CDH22: variants seen among roughly 807,000 people sequenced by gnomAD.
The protein encoded by CDH22 is cadherin-22.
In CDH22, 30 loss-of-function variants were observed where a neutral mutation model predicts 58.4. The observed-to-expected ratio is 0.51, with a 90% confidence interval of 0.38 to 0.70. The LOEUF is 0.70. CDH22 is among the 30% of genes least tolerant of loss of function. CDH22 has a pLI of 0.00. For synonymous variants in CDH22, 513 were observed against 558.2 expected, an observed-to-expected ratio of 0.92 and a Z score of 1.14; for missense variants, 1,014 against 1,233.9, an observed-to-expected ratio of 0.82 and a Z score of 2.67.
chr20:46,278,724 C>A (rs1480758091), intron 1 of CDH22, among the ~76,000 whole-genome samples: 1 of 152,126 alleles, frequency 6.6e-6, no homozygotes, highest in Non-Finnish European at 1.5e-5. Flanking sequence ...ACTAGGACTA[C>A]AAGTGCGTGC....
chr20:46,270,648 C>T (rs1310841784), intron 1 of CDH22, among the ~76,000 whole-genome samples: 3 of 152,110 alleles, frequency 2.0e-5, no homozygotes, highest in East Asian at 1.9e-4. Context: ...AAATGGAGTT[C>T]CCATACAGGG....
At chr20:46,275,729 G>T (rs1374223688) in intron 1 of CDH22, among the ~76,000 whole-genome samples, 1 of 151,904 alleles carries the variant, frequency 6.6e-6, no homozygotes, top group South Asian at 2.1e-4. Flanking sequence ...CTTCAGAAGC[G>T]CATTGAATGA....
intron 1 of CDH22, among the ~76,000 whole-genome samples, chr20:46,287,776 C>A (rs561421226): frequency 6.6e-6 from 1 of 152,220 alleles, no homozygotes; most frequent in Non-Finnish European, 1.5e-5. Flanking sequence ...CTCACCCAGG[C>A]TACTGTGGGT....
At chr20:46,270,071 A>C (rs1360502465) in intron 1 of CDH22, among the ~76,000 whole-genome samples, 1 of 152,184 alleles carries the variant, frequency 6.6e-6, no homozygotes, top group East Asian at 1.9e-4. Flanking sequence ...TATAGAGCAA[A>C]GGGGAAAGGA....
intron 1 of CDH22, among the ~76,000 whole-genome samples, chr20:46,292,711 C>G (rs193266430): frequency 2.0e-4 from 31 of 152,292 alleles, no homozygotes; most frequent in African/African-American, 7.5e-4. Context: ...TCATTGTGAT[C>G]TAAACCGTGA....
chr20:46,288,520 T>C (rs913464134), intron 1 of CDH22, among the ~76,000 whole-genome samples: 1 of 152,126 alleles, frequency 6.6e-6, no homozygotes, highest in African/African-American at 2.4e-5. Flanking sequence ...ACCCAACACA[T>C]AGAGCCTCTT....
At chr20:46,284,752 C>T (rs911616115) in intron 1 of CDH22, among the ~76,000 whole-genome samples, 1 of 152,188 alleles carries the variant, frequency 6.6e-6, no homozygotes, top group Admixed American at 6.5e-5. Context: ...CACCAAAGCA[C>T]GCCATTTCTG....
At position 46,224,197 on chromosome 20, in the gene CDH22, T is replaced by A. The variant is rs58496426; in HGVS notation, c.670+3311A>T. Among the ~76,000 whole-genome samples, 409 of 152,332 alleles carry A rather than the reference T, an allele frequency of 2.7e-3. 13 individuals carry two copies. In the East Asian group the frequency reaches 0.063, roughly 24 times the overall value. On this transcript the variant is annotated intron_variant, in intron 4 of 11. Coordinates refer to ENST00000537909, the MANE Select transcript of CDH22 (RefSeq NM_021248.3). ...CCTTCCTCTGCATTAGGTTTCGTCCTCACACTCGTCACTGCTTGACGTTAT... is the reference window on the plus strand; with the variant it reads ...CCTTCCTCTGCATTAGGTTTCGTCCACACACTCGTCACTGCTTGACGTTAT...
intron 1 of CDH22, among the ~76,000 whole-genome samples, chr20:46,252,264 G>T (rs2086381855): frequency 2.6e-5 from 4 of 152,136 alleles, no homozygotes; most frequent in African/African-American, 9.7e-5. Flanking sequence ...CAGCTTCTAG[G>T]GATACAGCAC....
chr20:46,194,799 G>A (rs2085887332), intron 8 of CDH22, among the ~76,000 whole-genome samples: 1 of 151,932 alleles, frequency 6.6e-6, no homozygotes, highest in African/African-American at 2.4e-5. Flanking sequence ...GTGCAATCTC[G>A]GCCCACTGCA....
chr20:46,265,217 C>T (rs143424126), intron 1 of CDH22, among the ~76,000 whole-genome samples: 5 of 152,284 alleles, frequency 3.3e-5, no homozygotes, highest in African/African-American at 7.2e-5. Flanking sequence ...CAAACGCGTC[C>T]GGATGGGGGC....
At chr20:46,301,273 C>A (rs1356723380) in intron 1 of CDH22, among the ~76,000 whole-genome samples, 1 of 151,866 alleles carries the variant, frequency 6.6e-6, no homozygotes, top group African/African-American at 2.4e-5. Flanking sequence ...CATATGAGCC[C>A]CGTGCAGTGT....
At chr20:46,249,736 G>A (rs1214277868) in intron 2 of CDH22, among the ~76,000 whole-genome samples, 13 of 152,156 alleles carry the variant, frequency 8.5e-5, no homozygotes, top group Admixed American at 4.6e-4. Flanking sequence ...ATACTGTCCC[G>A]GGGCACCACC....
chr20:46,304,185 A>T (rs1361861736), intron 1 of CDH22, among the ~76,000 whole-genome samples: 1 of 152,148 alleles, frequency 6.6e-6, no homozygotes, highest in Non-Finnish European at 1.5e-5. Flanking sequence ...TCCTAACTCA[A>T]TTCCCCTCCT....
At chr20:46,233,230 C>T (rs980928067) in intron 3 of CDH22, among the ~76,000 whole-genome samples, 8 of 152,244 alleles carry the variant, frequency 5.3e-5, no homozygotes, top group Middle Eastern at 3.4e-3. Flanking sequence ...CTCCAGGGAA[C>T]GTGAAACACC....
chr20:46,292,867 T>G (rs550984913), intron 1 of CDH22, among the ~76,000 whole-genome samples: 1 of 152,112 alleles, frequency 6.6e-6, no homozygotes, highest in East Asian at 1.9e-4. Context: ...AGTTAATCAC[T>G]CCCTCTTTTG....
At chr20:46,291,496 A>T (rs1398255067) in intron 1 of CDH22, among the ~76,000 whole-genome samples, 2 of 152,200 alleles carry the variant, frequency 1.3e-5, no homozygotes, top group African/African-American at 4.8e-5. Flanking sequence ...AAGATCCCAT[A>T]GCCCTGAGCG....
intron 7 of CDH22, 42 bp from the exon 8 acceptor site, chr20:46,199,601 C>T (rs1470127952): frequency 1.3e-6 from 2 of 1,598,170 alleles, no homozygotes; most frequent in Non-Finnish European, 1.7e-6. Flanking sequence ...TGCCCCAGTG[C>T]CAAATGGAGC....
chr20:46,286,025 G>A lies in CDH22; in HGVS notation c.-400+22230C>T, dbSNP rs73295874. On this transcript the variant is annotated intron_variant, in intron 1 of 11. Coordinates refer to ENST00000537909, the MANE Select transcript of CDH22 (RefSeq NM_021248.3). ...ATGTCAAATACAATTGTAGATTCTC[G>A]ATAAACATTTAAGTGGATTGAATGC... Among the ~76,000 whole-genome samples the A allele has an allele frequency of 8.1e-3, 1,227 of 152,270 alleles. 10 individuals are homozygous for A. Among genetic ancestry groups the A allele is most frequent in the African/African-American group, 0.027 (1,139 of 41,534 alleles).
Sources: gnomAD v4.1 joint callset for allele counts (sites outside exome capture counted in the v4.1 genomes callset) on GRCh38, gnomAD v4.1.1 for gene constraint, MANE v1.5 for transcripts, NCBI Gene and HGNC (gene_info 2026-07-23, HGNC 2026-07-21) for gene names.